The following SSH2 variants were observed in gnomAD, a reference collection of about 807,000 sequenced individuals.
SSH2 encodes slingshot protein phosphatase 2.
Under a neutral mutation model 135.2 loss-of-function variants are expected in SSH2, and 37 were observed. The observed-to-expected ratio is 0.27, with a 90% CI of 0.21 to 0.36. The LOEUF (loss-of-function observed/expected upper bound fraction) is 0.36, where lower values mean the gene tolerates loss of function less well. Among genes scored for constraint, SSH2 ranks in the 10% least tolerant of loss-of-function variants. The pLI, the probability that SSH2 is intolerant of heterozygous loss-of-function variation, is 1.00. For missense variants in SSH2, 1,408 were observed against 1,765.3 expected, an observed-to-expected ratio of 0.80 and a Z score of 3.63; for synonymous variants, 628 against 646.2, an observed-to-expected ratio of 0.97 and a Z score of 0.43.
intron 3 of SSH2, among the ~76,000 whole-genome samples, chr17:29,740,523 G>C (rs1248994375): frequency 1.3e-5 from 2 of 151,542 alleles, no homozygotes; most frequent in African/African-American, 2.4e-5. Context: ...TTTAAAGAAA[G>C]AGCCTTTGAG....
At chr17:29,783,296 TTATA>T (rs1407973121) in intron 3 of SSH2, among the ~76,000 whole-genome samples, 1 of 137,950 alleles carries the variant, frequency 7.2e-6, no homozygotes, top group Non-Finnish European at 1.5e-5. Flanking sequence ...TATATAATAT[TTATA>T]TAGTTATATA....
chr17:29,659,923 TG>T (rs2036957639), intron 11 of SSH2, among the ~76,000 whole-genome samples: 1 of 152,084 alleles, frequency 6.6e-6, no homozygotes, highest in African/African-American at 2.4e-5. Flanking sequence ...CTCCACCTCC[TG>T]GGTTCAAGTG....
chr17:29,655,512 C>G, intron 12 of SSH2, 49 bp downstream of exon 12: 1 of 1,557,678 alleles, frequency 6.4e-7, no homozygotes, highest in East Asian at 2.2e-5. Context: ...GAAGATAAAA[C>G]AGGGACTTCT....
intron 1 of SSH2, among the ~76,000 whole-genome samples, chr17:29,913,316 T>C (rs1402969328): frequency 0.033 from 140 of 4,272 alleles, 1 homozygote; most frequent in Middle Eastern, 0.33. Flanking sequence ...AGACGCCATC[T>C]CAAAAAAAAA....
intron 3 of SSH2, among the ~76,000 whole-genome samples, chr17:29,709,585 G>A (rs2151143162): frequency 6.6e-6 from 1 of 152,310 alleles, no homozygotes; most frequent in Admixed American, 6.5e-5. Context: ...GCTGAGGCAA[G>A]AGAATTGCTT....
At chr17:29,756,320 G>C in intron 3 of SSH2, among the ~76,000 whole-genome samples, 1 of 151,086 alleles carries the variant, frequency 6.6e-6, no homozygotes, top group Non-Finnish European at 1.5e-5. Context: ...GCCCAAGCTG[G>C]AGTGCAATGG....
intron 3 of SSH2, among the ~76,000 whole-genome samples, chr17:29,724,528 C>CAAAAA (rs1174810786): frequency 0.017 from 1,017 of 60,010 alleles, 33 homozygotes; most frequent in East Asian, 0.052. Flanking sequence ...AACTCTGTCT[C>CAAAAA]AAAAAAAAAA....
chr17:29,744,909 A>C (rs995831358), intron 3 of SSH2, among the ~76,000 whole-genome samples: 7 of 142,450 alleles, frequency 4.9e-5, no homozygotes, highest in Non-Finnish European at 1.1e-4. Context: ...GTGTTTAAAT[A>C]AACAAACCAT....
chr17:29,915,634 T>C (rs997392969), intron 1 of SSH2, among the ~76,000 whole-genome samples: 3 of 152,118 alleles, frequency 2.0e-5, no homozygotes, highest in Non-Finnish European at 4.4e-5. Flanking sequence ...GCCTATTAAA[T>C]TGATAAACTT....
chr17:29,899,680 A>G (rs535881279), intron 1 of SSH2, among the ~76,000 whole-genome samples: 1 of 152,320 alleles, frequency 6.6e-6, no homozygotes, highest in East Asian at 1.9e-4. Flanking sequence ...GGAAGAATCA[A>G]TATCGTGAAA....
At chr17:29,780,309 T>C (rs2041811813) in intron 3 of SSH2, among the ~76,000 whole-genome samples, 1 of 152,166 alleles carries the variant, frequency 6.6e-6, no homozygotes, top group South Asian at 2.1e-4. Flanking sequence ...CTCCATGAAA[T>C]GTTAACATCA....
Position 29,655,623 on chromosome 17 carries a change from G to T in SSH2, c.1033-16C>A. The stretch of plus-strand genomic sequence containing the variant: ...ATTCTGAGCCCTATGGAGCCAAAAA[G>T]ACAAGGTTAAGGAGTATTAGCAAAT... On this transcript the variant is annotated splice_polypyrimidine_tract_variant and intron_variant, in intron 11 of 15. Coordinates refer to ENST00000540801, the MANE Select transcript of SSH2 (RefSeq NM_001282129.2). 6.2e-7 allele frequency: 1 copy of T among 1,613,198 alleles called. No homozygotes were observed. Among genetic ancestry groups the T allele is most frequent in the Non-Finnish European group, 8.5e-7 (1 of 1,179,182 alleles).
chr17:29,711,446 T>C (rs2084152100), intron 3 of SSH2, among the ~76,000 whole-genome samples: 1 of 152,222 alleles, frequency 6.6e-6, no homozygotes, highest in Non-Finnish European at 1.5e-5. Flanking sequence ...TAATTCCATT[T>C]TTGCTTTAAC....
intron 1 of SSH2, among the ~76,000 whole-genome samples, chr17:29,860,143 G>A (rs1414569950): frequency 6.6e-6 from 1 of 151,804 alleles, no homozygotes; most frequent in Non-Finnish European, 1.5e-5. Context: ...TCAGCATGCC[G>A]GCGGTAATTC....
intron 3 of SSH2, among the ~76,000 whole-genome samples, chr17:29,792,127 A>G (rs563860772): frequency 3.2e-4 from 49 of 152,002 alleles, no homozygotes; most frequent in African/African-American, 1.1e-3. Context: ...GGGTTTTACC[A>G]GGTTGGCCAG....
chr17:29,631,764 A>C lies in SSH2; in HGVS notation c.3430T>G (p.Phe1144Val). The change falls in exon 16 of 16, where the codon TTT (phenylalanine) becomes GTT (valine). Residue 1144 changes from phenylalanine (F) to valine (V), a missense_variant. This residue lies in a region of SSH2 where 1,080 missense variants were observed against 1,144.5 expected (regional missense o/e 0.94). Coordinates refer to ENST00000540801, the MANE Select transcript of SSH2 (RefSeq NM_001282129.2). ...LSTALETAAPFVSHTTHLLSA... is the reference protein window; with the variant it reads ...LSTALETAAPVVSHTTHLLSA... ...AGTAAATGGGTTGTATGACTGACAAAAGGTGCTGCTGTCTCCAGGGCTGTG... is the reference window on the plus strand; with the variant it reads ...AGTAAATGGGTTGTATGACTGACAACAGGTGCTGCTGTCTCCAGGGCTGTG... The C allele has an allele frequency of 6.2e-7, 1 of 1,614,150 alleles. No individual in the cohort carries two copies. The highest frequency in any genetic ancestry group is 8.5e-7 in the Non-Finnish European group (1 of 1,180,020).
At chr17:29,904,925 G>A (rs914652796) in intron 1 of SSH2, among the ~76,000 whole-genome samples, 1 of 152,030 alleles carries the variant, frequency 6.6e-6, no homozygotes, top group Non-Finnish European at 1.5e-5. Context: ...AAAATACCTA[G>A]AAATACAGCT....
At chr17:29,896,648 T>A (rs1237237677) in intron 1 of SSH2, among the ~76,000 whole-genome samples, 1 of 151,620 alleles carries the variant, frequency 6.6e-6, no homozygotes, top group Admixed American at 6.6e-5. Context: ...ATTGCTGGTC[T>A]TTTTCATTTC....
chr17:29,882,116 T>A (rs1348700105), intron 1 of SSH2, among the ~76,000 whole-genome samples: 1 of 152,194 alleles, frequency 6.6e-6, no homozygotes, highest in Non-Finnish European at 1.5e-5. Context: ...AAAATGAGAA[T>A]GTAATTTTTA....
Sources: gnomAD v4.1 joint callset for allele counts (sites outside exome capture counted in the v4.1 genomes callset) on GRCh38, gnomAD v4.1.1 for gene constraint, gnomAD v4.1.1 regional missense constraint, MANE v1.5 for transcripts, NCBI Gene and HGNC (gene_info 2026-07-23, HGNC 2026-07-21) for gene names.